The following IFT81 variants were observed in gnomAD, a reference collection of about 807,000 sequenced individuals.
IFT81 encodes intraflagellar transport 81, also known as intraflagellar transport protein 81 homolog.
IFT81 carries 72 observed loss-of-function variants against 102.6 expected under a neutral mutation model. That is an observed-to-expected ratio of 0.70 (90% CI 0.58 to 0.85). The LOEUF is 0.85. Among genes scored for constraint, IFT81 ranks in the 40% least tolerant of loss-of-function variants. IFT81 has a pLI of 0.00. For missense variants in IFT81, 723 were observed against 787.3 expected (o/e 0.92, Z 0.98); for synonymous variants, 237 against 242.7 (o/e 0.98, Z 0.22).
At chr12:110,154,306 A>G (rs2137405047) in intron 10 of IFT81, among the ~76,000 whole-genome samples, 1 of 151,748 alleles carries the variant, frequency 6.6e-6, no homozygotes, top group Admixed American at 6.6e-5. Flanking sequence ...CAGCCCAGGC[A>G]ACAGTGTGAG....
At chr12:110,194,430 T>A (rs995750995) in intron 14 of IFT81, among the ~76,000 whole-genome samples, 3 of 145,202 alleles carry the variant, frequency 2.1e-5, no homozygotes, top group African/African-American at 5.3e-5. Flanking sequence ...GAAATATTCA[T>A]TTTTTTTTTA....
At chr12:110,164,301 A>C (rs1202681532) in intron 11 of IFT81, among the ~76,000 whole-genome samples, 1 of 152,194 alleles carries the variant, frequency 6.6e-6, no homozygotes, top group Admixed American at 6.5e-5. Context: ...AAGCACCAAA[A>C]ATATAATTTT....
chr12:110,126,087 G>A (rs1437601952), intron 1 of IFT81, among the ~76,000 whole-genome samples: 2 of 152,074 alleles, frequency 1.3e-5, no homozygotes, highest in Non-Finnish European at 2.9e-5. Flanking sequence ...GACCATCCTG[G>A]CTAACACGGT....
chr12:110,210,953 T>C (rs1351145522), intron 18 of IFT81, among the ~76,000 whole-genome samples: 1 of 148,232 alleles, frequency 6.7e-6, no homozygotes, highest in African/African-American at 2.5e-5. Flanking sequence ...CTCCCCACGC[T>C]CAAGCGATCC....
chr12:110,152,622 T>C (rs934902095), intron 10 of IFT81, among the ~76,000 whole-genome samples: 14 of 152,048 alleles, frequency 9.2e-5, no homozygotes, highest in African/African-American at 3.4e-4. Flanking sequence ...TTTTTTTTTT[T>C]CTTAGAGATA....
intron 12 of IFT81, among the ~76,000 whole-genome samples, chr12:110,188,185 C>T (rs1004535459): frequency 3.1e-4 from 47 of 151,500 alleles, no homozygotes; most frequent in Admixed American, 2.8e-3. Context: ...ACAAAAAAGT[C>T]GCTGGGCATG....
At chr12:110,127,284 T>C (rs972485593) in intron 1 of IFT81, 76 bp from the exon 2 acceptor site, 18 of 1,273,276 alleles carry the variant, frequency 1.4e-5, no homozygotes, top group Non-Finnish European at 1.8e-5. Flanking sequence ...CTACGTTGTA[T>C]GAACTTAATT....
At chr12:110,179,763 TATATATATATAC>T (rs1295944045) in intron 11 of IFT81, among the ~76,000 whole-genome samples, 15 of 68,950 alleles carry the variant, frequency 2.2e-4, no homozygotes, top group African/African-American at 7.7e-4. Context: ...TATATATATA[TATATATATATAC>T]ACACACACAC....
intron 9 of IFT81, among the ~76,000 whole-genome samples, chr12:110,146,494 T>C (rs984266857): frequency 6.6e-6 from 1 of 152,246 alleles, no homozygotes; most frequent in Non-Finnish European, 1.5e-5. Context: ...TTTGTGGTAA[T>C]GTATAAATAT....
chr12:110,182,681 A>G (rs1275491362), intron 12 of IFT81, among the ~76,000 whole-genome samples: 1 of 152,174 alleles, frequency 6.6e-6, no homozygotes, highest in Non-Finnish European at 1.5e-5. Context: ...CTGCTGATCT[A>G]TTGACATGAG....
chr12:110,210,881 C>T (rs1275096047), intron 18 of IFT81, among the ~76,000 whole-genome samples: 1 of 151,312 alleles, frequency 6.6e-6, no homozygotes, highest in Admixed American at 6.6e-5. Context: ...GACAGAGTCT[C>T]ACTCTGTCAC....
chr12:110,163,052 T>C lies in IFT81; in HGVS notation c.1175T>C (p.Leu392Ser). 6.2e-7 allele frequency: 1 copy of C among 1,613,798 alleles called. No homozygotes were observed. The highest frequency in any genetic ancestry group is 8.5e-7 in the Non-Finnish European group (1 of 1,179,862). The change falls in exon 11 of 19, where the codon TTA becomes TCA. Residue 392 changes from leucine (L) to serine (S), a missense_variant. By Grantham distance (145) the Leu-to-Ser change is moderately radical. Coordinates refer to ENST00000242591, the MANE Select transcript of IFT81 (RefSeq NM_014055.4). ...CGTGAATTTGATGGTACTGAAGTTT[T>C]AAAGGGAGATGAGGTAAGCTGAGCC... is the stretch of plus-strand genomic sequence containing the variant. ...QTREFDGTEV[L>S]KGDEFKRYVN...
intron 9 of IFT81, among the ~76,000 whole-genome samples, chr12:110,145,500 G>A (rs959396940): frequency 6.7e-6 from 1 of 150,318 alleles, no homozygotes; most frequent in African/African-American, 2.5e-5. Context: ...GTACAGTGGC[G>A]TGATCCCGGC....
intron 10 of IFT81, among the ~76,000 whole-genome samples, chr12:110,160,016 G>A (rs1896054217): frequency 6.6e-6 from 1 of 152,194 alleles, no homozygotes; most frequent in African/African-American, 2.4e-5. Flanking sequence ...CACTAGGTGA[G>A]GAGACAGATT....
At chr12:110,151,685 C>T (rs116788853) in intron 10 of IFT81, among the ~76,000 whole-genome samples, 1 of 152,120 alleles carries the variant, frequency 6.6e-6, no homozygotes. Context: ...CACTTAACAT[C>T]TATCCTCTTA....
intron 12 of IFT81, among the ~76,000 whole-genome samples, chr12:110,181,171 G>A (rs573651431): frequency 1.3e-5 from 2 of 152,244 alleles, no homozygotes; most frequent in Admixed American, 1.3e-4. Context: ...TCTGGTAGAA[G>A]TAAGTGGAAT....
At chr12:110,196,009 C>T (rs1897984541) in intron 14 of IFT81, among the ~76,000 whole-genome samples, 1 of 152,140 alleles carries the variant, frequency 6.6e-6, no homozygotes, top group African/African-American at 2.4e-5. Context: ...AGGGTTCTCC[C>T]TGTGTTCATC....
At chr12:110,209,275 T>G in intron 18 of IFT81, 59 bp downstream of exon 18, 3 of 785,802 alleles carry the variant, frequency 3.8e-6, no homozygotes, top group Non-Finnish European at 6.2e-6. Context: ...TTCAGTACTG[T>G]ACATGGTTTA....
At chr12:110,156,072 T>G (rs1895820261) in intron 10 of IFT81, among the ~76,000 whole-genome samples, 1 of 152,250 alleles carries the variant, frequency 6.6e-6, no homozygotes, top group African/African-American at 2.4e-5. Flanking sequence ...AAATTATATC[T>G]TTTACACATT....
Sources: gnomAD v4.1 joint callset for allele counts (sites outside exome capture counted in the v4.1 genomes callset) on GRCh38, gnomAD v4.1.1 for gene constraint, MANE v1.5 for transcripts, NCBI Gene and HGNC (gene_info 2026-07-23, HGNC 2026-07-21) for gene names.